LRRC4C: variants seen among roughly 807,000 people sequenced by gnomAD.
LRRC4C encodes leucine-rich repeat-containing protein 4C.
A neutral mutation model predicts 33.6 loss-of-function variants in LRRC4C; 5 were observed. The observed-to-expected ratio is 0.15, with a 90% confidence interval of 0.08 to 0.31. LRRC4C has a LOEUF of 0.31. LRRC4C is among the 10% of genes least tolerant of loss of function. LRRC4C has a pLI of 1.00. For missense variants in LRRC4C, 560 were observed against 796.7 expected (o/e 0.70, Z 3.58); for synonymous variants, 329 against 302.0 (o/e 1.09, Z -0.93).
At chr11:41,361,827 T>C (rs1952365327) in intron 1 of LRRC4C, among the ~76,000 whole-genome samples, 1 of 152,206 alleles carries the variant, frequency 6.6e-6, no homozygotes, top group African/African-American at 2.4e-5. Flanking sequence ...TGCCAACTAT[T>C]ATATAATCCC....
intron 5 of LRRC4C, among the ~76,000 whole-genome samples, chr11:40,146,177 G>C (rs751003695): frequency 1.8e-4 from 27 of 152,134 alleles, no homozygotes; most frequent in Non-Finnish European, 3.1e-4. Context: ...ATGAAGGATG[G>C]ATCAGGACTG....
chr11:40,232,409 T>C (rs948324955), intron 5 of LRRC4C, among the ~76,000 whole-genome samples: 1 of 152,184 alleles, frequency 6.6e-6, no homozygotes, highest in Non-Finnish European at 1.5e-5. Flanking sequence ...CAAAGTTTCC[T>C]GTTATGCATC....
intron 3 of LRRC4C, among the ~76,000 whole-genome samples, chr11:40,513,577 A>G (rs1366143476): frequency 6.6e-6 from 1 of 152,154 alleles, no homozygotes; most frequent in Non-Finnish European, 1.5e-5. Flanking sequence ...ATGGGAAGCC[A>G]CTGAAAGCTT....
intron 3 of LRRC4C, among the ~76,000 whole-genome samples, chr11:40,337,688 T>C (rs779582279): frequency 1.3e-5 from 2 of 152,168 alleles, no homozygotes; most frequent in African/African-American, 2.4e-5. Context: ...TTTCCAACAT[T>C]TATTTTAAAT....
At chr11:41,137,938 T>C (rs1462768673) in intron 1 of LRRC4C, among the ~76,000 whole-genome samples, 2 of 152,192 alleles carry the variant, frequency 1.3e-5, no homozygotes, top group Non-Finnish European at 2.9e-5. Context: ...CTAGATGATA[T>C]ACTAGTTGTT....
chr11:40,700,995 G>T (rs1945838966), intron 2 of LRRC4C, among the ~76,000 whole-genome samples: 1 of 151,990 alleles, frequency 6.6e-6, no homozygotes, highest in Non-Finnish European at 1.5e-5. Context: ...CCCTTGAAGG[G>T]GTGACCACTT....
intron 2 of LRRC4C, among the ~76,000 whole-genome samples, chr11:40,885,368 T>C (rs1314219940): frequency 6.6e-6 from 1 of 152,068 alleles, no homozygotes; most frequent in Non-Finnish European, 1.5e-5. Flanking sequence ...ATGTGAGTGG[T>C]ATTGTTACAC....
chr11:40,970,772 G>A (rs879430430), intron 1 of LRRC4C, among the ~76,000 whole-genome samples: 4 of 152,140 alleles, frequency 2.6e-5, no homozygotes, highest in Non-Finnish European at 5.9e-5. Context: ...CTAGGCTGAG[G>A]TGGACCCAGA....
chr11:40,508,135 A>G (rs889624721), intron 3 of LRRC4C, among the ~76,000 whole-genome samples: 2 of 152,184 alleles, frequency 1.3e-5, no homozygotes, highest in African/African-American at 4.8e-5. Flanking sequence ...TAACAAAATC[A>G]TGCAATATAA....
At chr11:41,197,273 T>C (rs1946219184) in intron 1 of LRRC4C, among the ~76,000 whole-genome samples, 1 of 152,044 alleles carries the variant, frequency 6.6e-6, no homozygotes, top group Admixed American at 6.6e-5. Flanking sequence ...CTTTCGCTGA[T>C]AAAGCCCAGA....
At chr11:41,019,076 G>T (rs1312767181) in intron 1 of LRRC4C, among the ~76,000 whole-genome samples, 1 of 151,940 alleles carries the variant, frequency 6.6e-6, no homozygotes, top group Non-Finnish European at 1.5e-5. Flanking sequence ...AAAAATAATG[G>T]GATACATGTG....
At chr11:40,416,414 C>A (rs1405365333) in intron 3 of LRRC4C, among the ~76,000 whole-genome samples, 6 of 151,994 alleles carry the variant, frequency 3.9e-5, no homozygotes, top group Non-Finnish European at 7.4e-5. Context: ...GGTCAGATAC[C>A]AAGGTCCTAA....
chr11:41,229,135 A>G (rs756314994), intron 1 of LRRC4C, among the ~76,000 whole-genome samples: 1 of 152,046 alleles, frequency 6.6e-6, no homozygotes, highest in Non-Finnish European at 1.5e-5. Context: ...GTGTCTCCCT[A>G]AAATTCATAT....
chr11:40,461,337 G>A (rs1388111241), intron 3 of LRRC4C, among the ~76,000 whole-genome samples: 1 of 152,024 alleles, frequency 6.6e-6, no homozygotes, highest in Non-Finnish European at 1.5e-5. Context: ...ATAGCTTTTT[G>A]CTGGATTGCT....
chr11:40,821,590 T>C (rs1455556768), intron 2 of LRRC4C, among the ~76,000 whole-genome samples: 1 of 151,626 alleles, frequency 6.6e-6, no homozygotes, highest in African/African-American at 2.4e-5. Flanking sequence ...AGTTCTTATA[T>C]GGCCTTCACC....
At chr11:40,685,467 G>T (rs911518997) in intron 2 of LRRC4C, among the ~76,000 whole-genome samples, 1 of 151,908 alleles carries the variant, frequency 6.6e-6, no homozygotes, top group Non-Finnish European at 1.5e-5. Flanking sequence ...AGGTGGGCAA[G>T]CTGAATAGAT....
intron 1 of LRRC4C, among the ~76,000 whole-genome samples, chr11:41,423,584 T>C (rs1228654956): frequency 1.3e-5 from 2 of 152,046 alleles, no homozygotes; most frequent in Non-Finnish European, 2.9e-5. Context: ...GGAGACATCA[T>C]AGACGACAGA....
intron 2 of LRRC4C, among the ~76,000 whole-genome samples, chr11:40,703,238 G>T (rs1375172863): frequency 6.6e-6 from 1 of 151,834 alleles, no homozygotes; most frequent in African/African-American, 2.4e-5. Flanking sequence ...AAAAAATGAT[G>T]ATCAGGTCCA....
At chr11:40,683,686 C>T (rs760736293) in intron 2 of LRRC4C, among the ~76,000 whole-genome samples, 2 of 152,018 alleles carry the variant, frequency 1.3e-5, no homozygotes, top group African/African-American at 2.4e-5. Flanking sequence ...AAAGATCATA[C>T]GAAAACTGTA....
Sources: allele counts gnomAD v4.1 joint callset (sites outside exome capture counted in the v4.1 genomes callset), GRCh38; gene constraint gnomAD v4.1.1; transcripts MANE v1.5; gene names NCBI Gene and HGNC (gene_info 2026-07-23, HGNC 2026-07-21).